The following LCTL variants were observed in gnomAD, a reference collection of about 807,000 sequenced individuals.
LCTL encodes the protein lactase like.
A neutral mutation model predicts 75.8 loss-of-function variants in LCTL; 76 were observed. The observed-to-expected ratio is 1.00, with a 90% CI of 0.83 to 1.21. The LOEUF is 1.21. LCTL is among the 50% of genes most tolerant of loss of function. The pLI, the probability that LCTL is intolerant of heterozygous loss-of-function variation, is 0.00. For missense variants in LCTL, 670 were observed against 712.4 expected (o/e 0.94, Z 0.68); for synonymous variants, 271 against 268.8 (o/e 1.01, Z -0.08).
At chr15:66,557,701 T>G in intron 8 of LCTL, 21 bp downstream of exon 9, 2 of 1,607,874 alleles carry the variant, frequency 1.2e-6, no homozygotes, top group Non-Finnish European at 1.7e-6. Context: ...TATCTGCAGT[T>G]TAAAATGAGA....
intron 8 of LCTL, among the ~76,000 whole-genome samples, chr15:66,555,002 AAT>A (rs1567059486): frequency 2.6e-4 from 39 of 152,200 alleles, no homozygotes; most frequent in Non-Finnish European, 1.5e-5. Context: ...AAAGACTTTT[AAT>A]ATATAAATCA....
At position 66,557,899 on chromosome 15, in the gene LCTL, A is replaced by G. The variant is rs1895780281; in HGVS notation, c.761-16T>C. 1 of 1,613,124 alleles carries G rather than the reference A, an allele frequency of 6.2e-7. No individual in the cohort carries two copies. On this transcript the variant is annotated splice_polypyrimidine_tract_variant and intron_variant, in intron 7 of 12. Coordinates refer to ENST00000341509, the Ensembl canonical transcript of LCTL. Reference sequence around the variant, plus strand: ...CCCACCAGACCTTAAAAGAAAAGAAAGAAAAGGGAGTGGGGAGTGGGCATG... The same window carrying G: ...CCCACCAGACCTTAAAAGAAAAGAAGGAAAAGGGAGTGGGGAGTGGGCATG...
chr15:66,562,835 C>T (rs371754985), intron 4 of LCTL, among the ~76,000 whole-genome samples: 5 of 152,288 alleles, frequency 3.3e-5, no homozygotes, highest in East Asian at 3.9e-4. Flanking sequence ...CCACCCACCT[C>T]GGCCCCCCAA....
At chr15:66,552,531 C>G (rs908886712) in intron 9 of LCTL, among the ~76,000 whole-genome samples, 2 of 151,946 alleles carry the variant, frequency 1.3e-5, no homozygotes, top group Non-Finnish European at 2.9e-5. Flanking sequence ...ATTAGCCAGG[C>G]GTGGTGGCAT....
intron 4 of LCTL, among the ~76,000 whole-genome samples, chr15:66,561,836 A>G (rs1377617270): frequency 6.6e-6 from 1 of 152,104 alleles, no homozygotes; most frequent in East Asian, 1.9e-4. Context: ...CTGCCCAGTT[A>G]GAGGACTCTG....
chr15:66,564,627 A>G (rs777564111), intron 2 of LCTL, 49 bp downstream of exon 3: 2 of 1,581,622 alleles, frequency 1.3e-6, no homozygotes, highest in Admixed American at 1.7e-5. Context: ...ATGTACTCAC[A>G]TGTGTGTGCA....
At chr15:66,563,690 G>T in intron 3 of LCTL, 65 bp from the exon 5 acceptor site, 1 of 1,218,708 alleles carries the variant, frequency 8.2e-7, no homozygotes, top group Non-Finnish European at 1.2e-6. Flanking sequence ...GCCTTCTGGA[G>T]TGCAGCATTC....
At chr15:66,562,603 A>G (rs1215088580) in intron 4 of LCTL, among the ~76,000 whole-genome samples, 1 of 134,232 alleles carries the variant, frequency 7.4e-6, no homozygotes, top group Non-Finnish European at 1.7e-5. Context: ...TTTTTTTTTT[A>G]GACGGAATTT....
At chr15:66,558,564 A>G (rs1031230322) in intron 6 of LCTL, among the ~76,000 whole-genome samples, 4 of 152,154 alleles carry the variant, frequency 2.6e-5, no homozygotes, top group South Asian at 2.1e-4. Context: ...CTCCAGACCA[A>G]GGTCATCAGG....
exon 1 of LCTL, chr15:66,565,432 A>G (rs1896003954): frequency 9.5e-7 from 1 of 1,054,098 alleles, no homozygotes; most frequent in South Asian, 1.4e-5. Context: ...AGCCAGGCTG[A>G]TGGCCAGGTC....
At chr15:66,565,747 G>A (rs886974401), upstream of LCTL, 1 of 196,048 alleles carries the variant, frequency 5.1e-6, no homozygotes, top group South Asian at 1.1e-4. Flanking sequence ...CCAACGACAC[G>A]CAGACCCCTC....
At position 66,564,844 on chromosome 15, in the gene LCTL, A is replaced by T. The variant is rs1365160574; in HGVS notation, c.119-5T>A. The stretch of plus-strand genomic sequence containing the variant: ...TGCCCACGCCCCAGGAGAAGCCTGC[A>T]GGGGGAGACCCGTGCTGGGTCCCAG... On this transcript the variant is annotated splice_region_variant and splice_polypyrimidine_tract_variant and intron_variant, in intron 1 of 12. Coordinates refer to ENST00000341509, the Ensembl canonical transcript of LCTL. The T allele has an allele frequency of 6.2e-7, 1 of 1,609,700 alleles. No homozygotes were observed. Among genetic ancestry groups the T allele is most frequent in the South Asian group, 1.1e-5 (1 of 91,022 alleles).
exon 9 of LCTL, chr15:66,553,212 C>T (rs373715214): frequency 6.2e-7 from 1 of 1,603,186 alleles, no homozygotes; most frequent in Non-Finnish European, 8.5e-7. Flanking sequence ...GGAGTGAGAA[C>T]ACCGGTAACC....
chr15:66,550,080 A>G (rs1895541144), exon 12 of LCTL: 1 of 1,605,804 alleles, frequency 6.2e-7, no homozygotes, highest in South Asian at 1.1e-5. Flanking sequence ...CAAGTTTCCA[A>G]AGCTTTGAGG....
In LCTL at chr15:66,565,384, A is replaced by G. The variant is rs1274231338; in HGVS notation, c.-19T>C. On this transcript the variant is annotated 5_prime_UTR_variant, in exon 1 of 13. An upstream start codon of the reference 5' UTR is lost. Transcript: ENST00000341509. ...GCTTCATGGTGCCTGGCCCTCCCCCATACCTGAAAAAGTGCAGCTGGCTCT... is the reference window on the plus strand; with the variant it reads ...GCTTCATGGTGCCTGGCCCTCCCCCGTACCTGAAAAAGTGCAGCTGGCTCT... 3 of 1,503,780 alleles carry G rather than the reference A, an allele frequency of 2.0e-6. No homozygotes were observed. 93.2% of individuals were successfully genotyped at this position (1,503,780 alleles called of 1,614,324 possible).
chr15:66,563,079 C>T (rs1042281698), intron 4 of LCTL, among the ~76,000 whole-genome samples: 2 of 152,168 alleles, frequency 1.3e-5, no homozygotes, highest in African/African-American at 4.8e-5. Context: ...ACTGTATCCC[C>T]TGTGTAACAG....
intron 11 of LCTL, 171 bp from the exon 13 acceptor site, chr15:66,550,275 A>G (rs969457365): frequency 8.8e-6 from 5 of 569,876 alleles, no homozygotes; most frequent in Admixed American, 3.4e-5. Context: ...CTGTACATCC[A>G]TGTACATCAT....
At position 66,561,361 on chromosome 15, in the gene LCTL, G is replaced by A. The variant is rs187078644; in HGVS notation, c.481-46C>T. 1.4e-4 allele frequency: 222 copies of A among 1,611,392 alleles called. No individual in the cohort carries two copies. In the African/African-American group the frequency reaches 1.5e-3, roughly 11 times the overall value. On this transcript the variant is annotated intron_variant, in intron 4 of 12. Coordinates refer to ENST00000341509, the Ensembl canonical transcript of LCTL. ...ATGCCCCATGAATGAACCGCAAAGC[G>A]GTTTAAATGTGGAGATAAGCTGTGT...
intron 11 of LCTL, among the ~76,000 whole-genome samples, chr15:66,550,468 A>T (rs80012166): frequency 0.016 from 2,495 of 152,246 alleles, 66 homozygotes; most frequent in African/African-American, 0.058. Flanking sequence ...AATTATTTTT[A>T]TTAAGACACT....
Sources: gnomAD v4.1 joint callset for allele counts (sites outside exome capture counted in the v4.1 genomes callset) on GRCh38, gnomAD v4.1.1 for gene constraint, MANE v1.5 for transcripts, NCBI Gene and HGNC (gene_info 2026-07-23, HGNC 2026-07-21) for gene names.